The following RELCH variants were observed in gnomAD, a reference collection of about 807,000 sequenced individuals.
RELCH encodes RAB11-binding protein RELCH.
Under a neutral mutation model 150.3 loss-of-function variants are expected in RELCH, and 41 were observed. The observed-to-expected ratio is 0.27, with a 90% CI of 0.21 to 0.35. RELCH has a LOEUF of 0.35. Among genes scored for constraint, RELCH ranks in the 10% least tolerant of loss-of-function variants. The pLI, the probability that RELCH is intolerant of heterozygous loss-of-function variation, is 1.00. For missense variants in RELCH, 1,092 were observed against 1,467.8 expected (o/e 0.74, Z 4.18); for synonymous variants, 478 against 531.8 (o/e 0.90, Z 1.39).
chr18:62,212,186 G>T (rs1383635758), intron 2 of RELCH, among the ~76,000 whole-genome samples: 1 of 152,200 alleles, frequency 6.6e-6, no homozygotes, highest in Non-Finnish European at 1.5e-5. Flanking sequence ...GTCCACTTTG[G>T]AATTCACCCC....
intron 25 of RELCH, chr18:62,285,580 T>C (rs1345077425): frequency 6.6e-6 from 1 of 152,130 alleles, no homozygotes; most frequent in African/African-American, 2.4e-5. Flanking sequence ...CACAGCAAGA[T>C]AAGTCCCTAC....
At chr18:62,249,430 G>A (rs576541553) in intron 11 of RELCH, among the ~76,000 whole-genome samples, 1 of 152,156 alleles carries the variant, frequency 6.6e-6, no homozygotes, top group South Asian at 2.1e-4. Flanking sequence ...CTAGGAATAA[G>A]GGAAATTAAA....
chr18:62,308,009 AT>A lies in RELCH; in HGVS notation c.*2478del, dbSNP rs2045925034. On this transcript the variant is annotated 3_prime_UTR_variant, in exon 29 of 29. Transcript: ENST00000644646. ...TTCAACCTGAACGAAATTGTGAGTA[AT>A]TTAAGTCATGCCATCCTCATTATCC... is the stretch of plus-strand genomic sequence containing the variant. 1 of 152,204 alleles carries A rather than the reference AT, an allele frequency of 6.6e-6. No individual in the cohort carries two copies. Among genetic ancestry groups the A allele is most frequent in the African/African-American group, 2.4e-5 (1 of 41,456 alleles). 9.4% of individuals were successfully genotyped at this position (152,204 alleles called of 1,614,324 possible). A position where few individuals can be genotyped will look rare whatever the true frequency, so the allele number is the denominator to read the frequency against.
intron 28 of RELCH, among the ~76,000 whole-genome samples, chr18:62,303,343 A>G (rs1193839741): frequency 1.3e-5 from 2 of 152,184 alleles, no homozygotes; most frequent in Non-Finnish European, 2.9e-5. Context: ...TATACATTAT[A>G]TATCCAGTTT....
chr18:62,255,212 C>T (rs908060679), intron 12 of RELCH, among the ~76,000 whole-genome samples, 195 bp from the exon 13 acceptor site: 1 of 152,048 alleles, frequency 6.6e-6, no homozygotes, highest in Non-Finnish European at 1.5e-5. Context: ...ACAGATGACC[C>T]CTGTAACCTC....
chr18:62,196,220 TTTTTC>T (rs201935424), intron 1 of RELCH, among the ~76,000 whole-genome samples: 35 of 151,188 alleles, frequency 2.3e-4, no homozygotes, highest in South Asian at 6.3e-4. Context: ...ACCAGCGCAA[TTTTTC>T]TTTTCTTTTC....
rs766205955 is a variant in RELCH, at chr18:62,308,119, A to G, written c.*2585A>G. ...AATGGGGGTCTCAAGTCAAGGTGCT[A>G]TCACATTCTTGTTTTTAAAAAGTTG... On this transcript the variant is annotated 3_prime_UTR_variant, in exon 29 of 29. Coordinates refer to ENST00000644646, the MANE Select transcript of RELCH (RefSeq NM_001346231.2). 1.3e-5 allele frequency: 2 copies of G among 152,226 alleles called. No homozygotes were observed. The highest frequency in any genetic ancestry group is 6.5e-5 in the Admixed American group (1 of 15,288). The allele number at this position is 152,226 out of a possible 1,614,324, so 9.4% of individuals were successfully genotyped here. A position where few individuals can be genotyped will look rare whatever the true frequency, so the allele number is the denominator to read the frequency against.
chr18:62,215,790 T>C (rs2040441293), intron 2 of RELCH, among the ~76,000 whole-genome samples: 1 of 152,144 alleles, frequency 6.6e-6, no homozygotes, highest in African/African-American at 2.4e-5. Context: ...CCACAATAGA[T>C]CTTTTAGTAC....
At chr18:62,231,496 A>C (rs9950909) in intron 9 of RELCH, among the ~76,000 whole-genome samples, 16,483 of 151,988 alleles carry the variant, frequency 0.11, 1,070 homozygotes, top group East Asian at 0.19. Context: ...TTAAAGTGAC[A>C]TTTTATAAAC....
chr18:62,196,551 T>G (rs755980785), intron 1 of RELCH, among the ~76,000 whole-genome samples: 1 of 152,192 alleles, frequency 6.6e-6, no homozygotes, highest in East Asian at 1.9e-4. Context: ...TTTCTAAAAT[T>G]TATTAAGTTC....
chr18:62,233,102 T>C (rs1484306078), intron 10 of RELCH, among the ~76,000 whole-genome samples: 1 of 151,774 alleles, frequency 6.6e-6, no homozygotes, highest in African/African-American at 2.4e-5. Flanking sequence ...TAGGAAGTTA[T>C]CTTTATTGTT....
intron 1 of RELCH, among the ~76,000 whole-genome samples, chr18:62,189,272 G>GTTTTTTTTTTTTTT (rs2038431803): frequency 9.3e-6 from 1 of 107,556 alleles, no homozygotes; most frequent in Admixed American, 1.0e-4. Flanking sequence ...TTTTTTTTTT[G>GTTTTTTTTTTTTTT]TTGTTTTTTT....
At chr18:62,231,101 TG>T in intron 8 of RELCH, 92 bp from the exon 9 acceptor site, 1 of 834,704 alleles carries the variant, frequency 1.2e-6, no homozygotes, top group South Asian at 1.6e-5. Flanking sequence ...GGATTAATGC[TG>T]GAATGGAAGT....
intron 22 of RELCH, chr18:62,277,861 T>G (rs1213067559): frequency 1.1e-6 from 1 of 914,098 alleles, no homozygotes; most frequent in Non-Finnish European, 1.3e-6. Flanking sequence ...AAGAGCTTCA[T>G]ATATATTTTA....
chr18:62,212,465 T>G (rs992412959), intron 2 of RELCH, among the ~76,000 whole-genome samples: 1 of 152,214 alleles, frequency 6.6e-6, no homozygotes, highest in Non-Finnish European at 1.5e-5. Context: ...AGAATACCCA[T>G]AATGTGATTT....
In RELCH at chr18:62,307,375, T is replaced by C. The variant is rs548056923; in HGVS notation, c.*1841T>C. 1 of 152,224 alleles carries C rather than the reference T, an allele frequency of 6.6e-6. No homozygotes were observed. Among genetic ancestry groups the C allele is most frequent in the East Asian group, 1.9e-4 (1 of 5,194 alleles). The allele number at this position is 152,224 out of a possible 1,614,324, so 9.4% of individuals were successfully genotyped here. A position where few individuals can be genotyped will look rare whatever the true frequency, so the allele number is the denominator to read the frequency against. On this transcript the variant is annotated 3_prime_UTR_variant, in exon 29 of 29. Coordinates refer to ENST00000644646, the MANE Select transcript of RELCH (RefSeq NM_001346231.2). ...CAAACTATAGTAGAATATGTGTATG[T>C]TTGTTATCAGGTGAATGGGTAGAAT...
At chr18:62,250,995 C>T (rs2042674418) in intron 11 of RELCH, among the ~76,000 whole-genome samples, 1 of 152,126 alleles carries the variant, frequency 6.6e-6, no homozygotes, top group Admixed American at 6.5e-5. Context: ...AGTGGAAGAA[C>T]TTAAAATTCT....
chr18:62,203,154 C>T (rs898988301), intron 1 of RELCH, among the ~76,000 whole-genome samples: 1 of 152,094 alleles, frequency 6.6e-6, no homozygotes, highest in Admixed American at 6.6e-5. Context: ...AATAAATGGT[C>T]AATATATTTT....
chr18:62,248,288 CCA>C (rs2042524681), intron 11 of RELCH, among the ~76,000 whole-genome samples: 1 of 152,162 alleles, frequency 6.6e-6, no homozygotes, highest in Non-Finnish European at 1.5e-5. Flanking sequence ...ACATTTTATT[CCA>C]GTCATTTTGT....
Sources: allele counts gnomAD v4.1 joint callset (sites outside exome capture counted in the v4.1 genomes callset), GRCh38; gene constraint gnomAD v4.1.1; transcripts MANE v1.5; gene names NCBI Gene and HGNC (gene_info 2026-07-23, HGNC 2026-07-21).